DIP2C: variants seen among roughly 807,000 people sequenced by gnomAD.
DIP2C encodes disco-interacting protein 2 homolog C.
A neutral mutation model predicts 192.4 loss-of-function variants in DIP2C; 33 were observed. The observed-to-expected ratio is 0.17, with a 90% CI of 0.13 to 0.23. DIP2C has a LOEUF of 0.23. Ranked by LOEUF, DIP2C falls within the 10% of genes least tolerant of loss-of-function variation. The pLI is 1.00. For missense variants in DIP2C, 1,537 were observed against 2,110.1 expected, an observed-to-expected ratio of 0.73 and a Z score of 5.32; for synonymous variants, 979 against 864.1, an observed-to-expected ratio of 1.13 and a Z score of -2.33.
intron 4 of DIP2C, among the ~76,000 whole-genome samples, chr10:439,069 C>T (rs1564713506): frequency 6.6e-6 from 1 of 152,174 alleles, no homozygotes; most frequent in Admixed American, 6.5e-5. Flanking sequence ...TGGTCTTGAA[C>T]TCTTGGGCTC....
rs906640879 is a variant in DIP2C at position 364,329 on chromosome 10, T to C, written c.2477+45A>G. 10 of 1,576,668 alleles carry C rather than the reference T, an allele frequency of 6.3e-6. No homozygotes were observed. The East Asian group carries it at 6.8e-5, about 11-fold the overall frequency. On this transcript the variant is annotated intron_variant, in intron 20 of 36. Coordinates refer to ENST00000280886, the MANE Select transcript of DIP2C (RefSeq NM_014974.3). ...ACCCTTCAAAACCACATAAAAAATA[T>C]GGCCGACCGGAAACCATATGCTTGA...
chr10:560,197 CAG>C (rs1849128315), intron 1 of DIP2C, among the ~76,000 whole-genome samples: 1 of 152,104 alleles, frequency 6.6e-6, no homozygotes, highest in Non-Finnish European at 1.5e-5. Flanking sequence ...CCACGCACAG[CAG>C]AGAGCAGTCC....
chr10:522,070 C>T (rs1373711462), intron 1 of DIP2C, among the ~76,000 whole-genome samples: 1 of 152,062 alleles, frequency 6.6e-6, no homozygotes, highest in Non-Finnish European at 1.5e-5. Flanking sequence ...TAAACAGCCC[C>T]TATGCTCCTC....
At chr10:420,202 G>A (rs909326656) in intron 5 of DIP2C, among the ~76,000 whole-genome samples, 7 of 152,226 alleles carry the variant, frequency 4.6e-5, no homozygotes, top group African/African-American at 9.6e-5. Flanking sequence ...CCGTCTAGAC[G>A]GCGAAATCAA....
chr10:568,674 G>T (rs1198359686), intron 1 of DIP2C, among the ~76,000 whole-genome samples: 1 of 147,146 alleles, frequency 6.8e-6, no homozygotes, highest in Non-Finnish European at 1.5e-5. Context: ...GCTGAGGCAG[G>T]AGAATGGCGT....
chr10:460,697 A>G (rs1969699758), intron 3 of DIP2C, among the ~76,000 whole-genome samples: 1 of 152,234 alleles, frequency 6.6e-6, no homozygotes, highest in South Asian at 2.1e-4. Context: ...ATTGAGAAAT[A>G]CAGAGAATAT....
At chr10:435,674 G>T (rs889926514) in intron 4 of DIP2C, among the ~76,000 whole-genome samples, 1 of 152,164 alleles carries the variant, frequency 6.6e-6, no homozygotes, top group African/African-American at 2.4e-5. Context: ...TTTTCAGTTT[G>T]CTCAGCTTTT....
At chr10:678,837 G>A (rs377552607) in intron 1 of DIP2C, among the ~76,000 whole-genome samples, 11 of 35,628 alleles carry the variant, frequency 3.1e-4, no homozygotes, top group African/African-American at 5.9e-4. Flanking sequence ...CCCCACACCC[G>A]TGCTCCCCGC....
At chr10:384,902 A>G (rs1448237680) in intron 14 of DIP2C, among the ~76,000 whole-genome samples, 1 of 150,876 alleles carries the variant, frequency 6.6e-6, no homozygotes, top group Non-Finnish European at 1.5e-5. Context: ...GGAGGAGGAG[A>G]AGCAGCTCTC....
intron 1 of DIP2C, among the ~76,000 whole-genome samples, chr10:573,946 G>A (rs1010185534): frequency 4.6e-5 from 7 of 152,202 alleles, no homozygotes; most frequent in Non-Finnish European, 1.0e-4. Context: ...AGCGTGACAG[G>A]ACTGCTCAGA....
rs1290329638 is a variant in DIP2C, at chr10:620,035, G to C, written c.85+69459C>G. The stretch of plus-strand genomic sequence containing the variant: ...CAGATGCAGCTGCTGGCACAGCCCA[G>C]GTGTCGGCCCCCAAGAACATTCTGG... On this transcript the variant is annotated intron_variant, in intron 1 of 36. Transcript: ENST00000280886. Among the ~76,000 whole-genome samples the C allele has an allele frequency of 2.0e-5, 3 of 152,208 alleles. No individual in the cohort carries two copies. In the East Asian group the frequency reaches 5.8e-4, roughly 29 times the overall value.
At chr10:526,373 T>C (rs1190867883) in intron 1 of DIP2C, among the ~76,000 whole-genome samples, 2 of 152,196 alleles carry the variant, frequency 1.3e-5, no homozygotes, top group Admixed American at 6.5e-5. Flanking sequence ...TTATTTATGT[T>C]AAATACATGA....
intron 16 of DIP2C, among the ~76,000 whole-genome samples, chr10:383,385 T>C (rs1208041847): frequency 6.6e-6 from 1 of 152,226 alleles, no homozygotes; most frequent in Non-Finnish European, 1.5e-5. Context: ...TCAGATACCT[T>C]TAATTTCACT....
chr10:459,962 C>T (rs1969634361), intron 3 of DIP2C, among the ~76,000 whole-genome samples: 1 of 151,254 alleles, frequency 6.6e-6, no homozygotes, highest in African/African-American at 2.4e-5. Context: ...CTAGGACCTT[C>T]CCACAGTCAC....
At chr10:384,326 T>G (rs113762692) in intron 15 of DIP2C, among the ~76,000 whole-genome samples, 180 bp from the exon 16 acceptor site, 2 of 132,426 alleles carry the variant, frequency 1.5e-5, no homozygotes, top group Non-Finnish European at 3.1e-5. Context: ...GCAACCTCCT[T>G]CTCCTGGGTT....
At chr10:547,756 A>G (rs1477151407) in intron 1 of DIP2C, among the ~76,000 whole-genome samples, 1 of 152,148 alleles carries the variant, frequency 6.6e-6, no homozygotes, top group Non-Finnish European at 1.5e-5. Flanking sequence ...ATCATCTCTC[A>G]GTTTATACAT....
chr10:561,481 G>A (rs1030628077), intron 1 of DIP2C, among the ~76,000 whole-genome samples: 11 of 152,318 alleles, frequency 7.2e-5, no homozygotes, highest in African/African-American at 2.4e-4. Flanking sequence ...GCAACCAAAC[G>A]TGATCAACAT....
At chr10:406,779 G>C (rs1421383807) in intron 9 of DIP2C, among the ~76,000 whole-genome samples, 1 of 152,040 alleles carries the variant, frequency 6.6e-6, no homozygotes, top group African/African-American at 2.4e-5. Flanking sequence ...CCAACAGTCT[G>C]AATCTCCCCA....
At chr10:328,862 G>T (rs909314743) in intron 30 of DIP2C, among the ~76,000 whole-genome samples, 2 of 152,162 alleles carry the variant, frequency 1.3e-5, no homozygotes, top group African/African-American at 4.8e-5. Flanking sequence ...TGGAGCTAAG[G>T]ACTACTTAAT....
Sources: gnomAD v4.1 joint callset for allele counts (sites outside exome capture counted in the v4.1 genomes callset) on GRCh38, gnomAD v4.1.1 for gene constraint, MANE v1.5 for transcripts, NCBI Gene and HGNC (gene_info 2026-07-23, HGNC 2026-07-21) for gene names.